Variants in GRIK4 observed in about 807,000 individuals in gnomAD.
The protein encoded by GRIK4 is glutamate receptor ionotropic, kainate 4.
Under a neutral mutation model 104.9 loss-of-function variants are expected in GRIK4, and 40 were observed. That is an observed-to-expected ratio of 0.38 (90% CI 0.30 to 0.50). The LOEUF is 0.50. GRIK4 is among the 20% of genes least tolerant of loss of function. The pLI is 0.93. For missense variants in GRIK4, 1,047 were observed against 1,308.1 expected (o/e 0.80, Z 3.08); for synonymous variants, 485 against 524.9 (o/e 0.92, Z 1.04).
At chr11:120,843,556 G>A (rs558283067) in intron 8 of GRIK4, among the ~76,000 whole-genome samples, 7 of 152,210 alleles carry the variant, frequency 4.6e-5, no homozygotes, top group African/African-American at 1.7e-4. Flanking sequence ...GTGCTAATAA[G>A]TGCTTCACAG....
chr11:120,805,461 A>C lies in GRIK4; in HGVS notation c.247+2604A>C, dbSNP rs138262746. Among the ~76,000 whole-genome samples, 88 of 152,356 alleles carry C rather than the reference A, an allele frequency of 5.8e-4. 1 individual carries two copies. Among genetic ancestry groups the C allele is most frequent in the African/African-American group, 2.0e-3 (84 of 41,592 alleles). ...TCTAAAATATTGAGCCAGATGAATC[A>C]GGGGAATAAAGGAAACAGGTATCTT... On this transcript the variant is annotated intron_variant, in intron 4 of 20. Coordinates refer to ENST00000527524, the MANE Select transcript of GRIK4 (RefSeq NM_014619.5).
intron 1 of GRIK4, among the ~76,000 whole-genome samples, chr11:120,596,837 G>T (rs1394766059): frequency 6.6e-6 from 1 of 152,042 alleles, no homozygotes; most frequent in Non-Finnish European, 1.5e-5. Context: ...TGATTCTCCT[G>T]CCTCAGCCTG....
At chr11:120,930,254 T>C (rs1943456782) in intron 13 of GRIK4, among the ~76,000 whole-genome samples, 1 of 152,222 alleles carries the variant, frequency 6.6e-6, no homozygotes, top group Non-Finnish European at 1.5e-5. Flanking sequence ...AATGGCAGTT[T>C]TGAAATGTTG....
intron 1 of GRIK4, among the ~76,000 whole-genome samples, chr11:120,605,450 G>A (rs1173053720): frequency 6.6e-6 from 1 of 152,222 alleles, no homozygotes; most frequent in Non-Finnish European, 1.5e-5. Context: ...ACTACTTACA[G>A]CATGGGGTCT....
At chr11:120,879,957 C>A (rs543244210) in intron 11 of GRIK4, among the ~76,000 whole-genome samples, 8 of 152,170 alleles carry the variant, frequency 5.3e-5, no homozygotes, top group Non-Finnish European at 1.2e-4. Context: ...GTCTAAAGAT[C>A]AGAGATTCTG....
intron 3 of GRIK4, among the ~76,000 whole-genome samples, chr11:120,722,549 A>G (rs536462178): frequency 1.1e-4 from 17 of 152,132 alleles, no homozygotes; most frequent in African/African-American, 3.4e-4. Flanking sequence ...CGGAGGTTGC[A>G]GTGAGCTGAG....
At chr11:120,790,003 G>T (rs912566728) in intron 3 of GRIK4, among the ~76,000 whole-genome samples, 15 of 152,044 alleles carry the variant, frequency 9.9e-5, no homozygotes, top group African/African-American at 3.6e-4. Flanking sequence ...GTAAAGTCTG[G>T]CTCTGTCCTC....
intron 15 of GRIK4, among the ~76,000 whole-genome samples, chr11:120,955,093 G>C (rs537128888): frequency 3.8e-4 from 58 of 152,332 alleles, no homozygotes; most frequent in African/African-American, 1.2e-3. Context: ...ATTCCCAAGA[G>C]AGCTGATCTT....
chr11:120,678,152 A>C lies in GRIK4; in HGVS notation c.82+17752A>C, dbSNP rs1183945758. On this transcript the variant is annotated intron_variant, in intron 3 of 20. Transcript: ENST00000527524. ...TGGCTCTGGAGGTGCAAGAGAAGGTAGGTGTGATTGAGGTCTGCCCAAGAC... is the reference window on the plus strand; with the variant it reads ...TGGCTCTGGAGGTGCAAGAGAAGGTCGGTGTGATTGAGGTCTGCCCAAGAC... 7.9e-5 allele frequency among the ~76,000 whole-genome samples: 12 copies of C among 152,286 alleles called. No individual in the cohort carries two copies. In the East Asian group the frequency reaches 1.9e-3, roughly 25 times the overall value.
At chr11:120,758,301 CAG>C (rs1342058727) in intron 3 of GRIK4, among the ~76,000 whole-genome samples, 1 of 152,242 alleles carries the variant, frequency 6.6e-6, no homozygotes, top group African/African-American at 2.4e-5. Flanking sequence ...ACGGATACCT[CAG>C]AGGGCTTCTT....
chr11:120,640,414 A>G (rs1209265711), intron 1 of GRIK4, among the ~76,000 whole-genome samples: 1 of 152,200 alleles, frequency 6.6e-6, no homozygotes, highest in African/African-American at 2.4e-5. Context: ...TCAAGGTGGA[A>G]AGAAATTGAT....
intron 3 of GRIK4, among the ~76,000 whole-genome samples, chr11:120,737,879 A>G (rs958520660): frequency 6.6e-6 from 1 of 152,128 alleles, no homozygotes; most frequent in South Asian, 2.1e-4. Context: ...TCAGTAAACC[A>G]TTTATATTGT....
At chr11:120,668,083 A>T (rs1043613111) in intron 3 of GRIK4, among the ~76,000 whole-genome samples, 1 of 149,016 alleles carries the variant, frequency 6.7e-6, no homozygotes, top group African/African-American at 2.5e-5. Flanking sequence ...ACCCTGTCTC[A>T]TAGATGGATA....
At chr11:120,545,637 C>T (rs1948078784) in intron 1 of GRIK4, among the ~76,000 whole-genome samples, 1 of 152,224 alleles carries the variant, frequency 6.6e-6, no homozygotes, top group Non-Finnish European at 1.5e-5. Context: ...CCATTTGACT[C>T]TAGGGCCCAG....
chr11:120,721,913 A>G (rs1304112794), intron 3 of GRIK4, among the ~76,000 whole-genome samples: 2 of 152,206 alleles, frequency 1.3e-5, no homozygotes, highest in African/African-American at 4.8e-5. Context: ...CATTGATAAC[A>G]TTTATTGGAC....
intron 3 of GRIK4, among the ~76,000 whole-genome samples, chr11:120,670,670 A>T (rs1950000671): frequency 6.6e-6 from 1 of 151,838 alleles, no homozygotes; most frequent in Non-Finnish European, 1.5e-5. Flanking sequence ...TGCCCCTGAC[A>T]CTTTCTGTCC....
At chr11:120,661,731 T>G (rs1018110036) in intron 3 of GRIK4, among the ~76,000 whole-genome samples, 12 of 151,982 alleles carry the variant, frequency 7.9e-5, no homozygotes, top group African/African-American at 2.7e-4. Flanking sequence ...GTGGGCACAG[T>G]TTTTCATGCA....
chr11:120,700,035 T>A (rs1019516304), intron 3 of GRIK4, among the ~76,000 whole-genome samples: 1 of 152,204 alleles, frequency 6.6e-6, no homozygotes, highest in Non-Finnish European at 1.5e-5. Context: ...ATTGTGTATA[T>A]TTGGGGTTTA....
At chr11:120,621,526 C>G (rs1399461398) in intron 1 of GRIK4, among the ~76,000 whole-genome samples, 1 of 152,136 alleles carries the variant, frequency 6.6e-6, no homozygotes, top group Non-Finnish European at 1.5e-5. Flanking sequence ...GGCAGTGAGG[C>G]AAGGGAGGGT....
Sources: allele counts gnomAD v4.1 joint callset (sites outside exome capture counted in the v4.1 genomes callset), GRCh38; gene constraint gnomAD v4.1.1; transcripts MANE v1.5; gene names NCBI Gene and HGNC (gene_info 2026-07-23, HGNC 2026-07-21).